The following CDS1 variants were observed in gnomAD, a reference collection of about 807,000 sequenced individuals.
The protein encoded by CDS1 is phosphatidate cytidylyltransferase 1.
In CDS1, 41 loss-of-function variants were observed where a neutral mutation model predicts 62.1. The ratio of observed to expected loss-of-function variants is 0.66; its 90% confidence interval spans 0.51 to 0.86. The LOEUF (loss-of-function observed/expected upper bound fraction) is 0.86, where lower values mean the gene tolerates loss of function less well. Ranked by LOEUF, CDS1 falls within the 40% of genes least tolerant of loss-of-function variation. The probability of loss-of-function intolerance (pLI) is 0.00; values close to 1 mark genes in which losing one functional copy is unlikely to be tolerated. For synonymous variants in CDS1, 185 were observed against 192.6 expected (o/e 0.96, Z 0.32); for missense variants, 470 against 550.1 (o/e 0.85, Z 1.46).
chr4:84,599,186 G>C (rs568007423), intron 1 of CDS1, among the ~76,000 whole-genome samples: 1 of 151,892 alleles, frequency 6.6e-6, no homozygotes, highest in African/African-American at 2.4e-5. Flanking sequence ...GTGTCCTCCC[G>C]TGGTGGAGAG....
intron 3 of CDS1, among the ~76,000 whole-genome samples, chr4:84,616,441 A>G (rs191694356): frequency 6.6e-6 from 1 of 152,372 alleles, no homozygotes; most frequent in East Asian, 1.9e-4. Context: ...GGAAATCTTA[A>G]AAAGAAATCC....
rs1354879614 is a variant in CDS1 at position 84,625,331 on chromosome 4, G to A, written c.580+5798G>A. Among the ~76,000 whole-genome samples the A allele has an allele frequency of 4.6e-5, 7 of 152,294 alleles. 1 individual carries two copies. The South Asian group carries it at 1.4e-3, about 32-fold the overall frequency. On this transcript the variant is annotated intron_variant, in intron 5 of 12. Coordinates refer to ENST00000295887, the MANE Select transcript of CDS1 (RefSeq NM_001263.4). ...AGCTAGATACTGTGAATGATGTTGAGGATATAAAGGGAGATGAAGTGATTG... is the reference window on the plus strand; with the variant it reads ...AGCTAGATACTGTGAATGATGTTGAAGATATAAAGGGAGATGAAGTGATTG...
At chr4:84,633,788 C>T (rs896919823) in intron 6 of CDS1, 69 bp from the exon 7 acceptor site, 16 of 927,846 alleles carry the variant, frequency 1.7e-5, no homozygotes, top group Non-Finnish European at 2.3e-5. Flanking sequence ...GGTTTCAAAT[C>T]GCTGTTGCTT....
chr4:84,584,780 A>C (rs1416698412), intron 1 of CDS1, among the ~76,000 whole-genome samples: 1 of 152,238 alleles, frequency 6.6e-6, no homozygotes, highest in African/African-American at 2.4e-5. Context: ...AAGTAGAATA[A>C]AATGAGTCTG....
chr4:84,633,250 T>C (rs1724079065), intron 6 of CDS1, among the ~76,000 whole-genome samples: 2 of 152,230 alleles, frequency 1.3e-5, no homozygotes, highest in African/African-American at 4.8e-5. Context: ...AGTGGCCATC[T>C]CTCAGGCTAG....
At chr4:84,606,281 C>T (rs1723089692) in intron 2 of CDS1, among the ~76,000 whole-genome samples, 1 of 146,992 alleles carries the variant, frequency 6.8e-6, no homozygotes, top group Non-Finnish European at 1.5e-5. Context: ...TCAGTGTTTA[C>T]CCTTTGAGGC....
chr4:84,608,036 C>T (rs938506900), intron 2 of CDS1, among the ~76,000 whole-genome samples: 10 of 152,128 alleles, frequency 6.6e-5, no homozygotes, highest in Middle Eastern at 3.4e-3. Context: ...AGGCTTGTGG[C>T]GGTGGTGGGG....
At chr4:84,613,643 C>G (rs1723400624) in intron 3 of CDS1, among the ~76,000 whole-genome samples, 2 of 152,096 alleles carry the variant, frequency 1.3e-5, no homozygotes, top group African/African-American at 4.8e-5. Flanking sequence ...TAGGAAATTA[C>G]AGGTACTATT....
chr4:84,599,393 GACACACAC>G (rs372134066), intron 1 of CDS1, among the ~76,000 whole-genome samples: 6 of 53,638 alleles, frequency 1.1e-4, no homozygotes, highest in South Asian at 1.5e-3. Context: ...GGCAAATTTT[GACACACAC>G]ACACATATAT....
intron 5 of CDS1, among the ~76,000 whole-genome samples, chr4:84,622,835 T>G (rs1157878908): frequency 6.6e-6 from 1 of 152,058 alleles, no homozygotes; most frequent in Non-Finnish European, 1.5e-5. Flanking sequence ...TTCTTCATAT[T>G]CAGTTTTTTT....
intron 8 of CDS1, 106 bp downstream of exon 8, chr4:84,635,457 C>A (rs374317419): frequency 1.4e-6 from 1 of 734,416 alleles, no homozygotes; most frequent in Non-Finnish European, 2.4e-6. Context: ...TTTTGAGGTG[C>A]TTTGATTTTC....
In CDS1 at chr4:84,599,923, G is replaced by GT. The variant is rs1722885264; in HGVS notation, c.118-4318dup. ...TAGGAGTGAAATGGCTGGGTCAGTT[G>GT]TTGGTTGTATATGTAATTTTTAAAA... On this transcript the variant is annotated intron_variant, in intron 1 of 12. Coordinates refer to ENST00000295887, the MANE Select transcript of CDS1 (RefSeq NM_001263.4). Among the ~76,000 whole-genome samples, 3 of 152,130 alleles carry GT rather than the reference G, an allele frequency of 2.0e-5. No individual in the cohort carries two copies. The South Asian group carries it at 6.2e-4, about 32-fold the overall frequency.
chr4:84,611,051 C>T (rs185287525), intron 3 of CDS1, among the ~76,000 whole-genome samples: 2 of 152,316 alleles, frequency 1.3e-5, no homozygotes, highest in African/African-American at 2.4e-5. Flanking sequence ...GTGCCAAGCA[C>T]GTGGGCTGCA....
At chr4:84,634,512 AT>A (rs1724117722) in intron 7 of CDS1, among the ~76,000 whole-genome samples, 1 of 152,140 alleles carries the variant, frequency 6.6e-6, no homozygotes, top group Non-Finnish European at 1.5e-5. Flanking sequence ...AAAGCTTAAG[AT>A]TAAAAAAAAA....
intron 11 of CDS1, among the ~76,000 whole-genome samples, chr4:84,643,825 A>G (rs1164862282): frequency 6.6e-6 from 1 of 152,196 alleles, no homozygotes; most frequent in African/African-American, 2.4e-5. Flanking sequence ...ATAAAGTGAC[A>G]TGTTATCTCA....
intron 3 of CDS1, among the ~76,000 whole-genome samples, chr4:84,611,995 G>A (rs1723339119): frequency 6.6e-6 from 1 of 151,962 alleles, no homozygotes; most frequent in South Asian, 2.1e-4. Flanking sequence ...AGGAAGAAGG[G>A]ACCAAGTGAG....
intron 5 of CDS1, among the ~76,000 whole-genome samples, chr4:84,626,321 G>A (rs1723860978): frequency 6.6e-6 from 1 of 152,154 alleles, no homozygotes; most frequent in Non-Finnish European, 1.5e-5. Flanking sequence ...TGCAATAATT[G>A]CATATTCACA....
chr4:84,606,400 A>G (rs114254492), intron 2 of CDS1, among the ~76,000 whole-genome samples: 1 of 151,762 alleles, frequency 6.6e-6, no homozygotes, highest in East Asian at 1.9e-4. Flanking sequence ...TTACTGTTTT[A>G]ATTTTCATTC....
chr4:84,651,163 TC>T lies in CDS1; in HGVS notation c.*2479del, dbSNP rs1360425515. Reference sequence around the variant, plus strand: ...CTCTTTTTAAAATTATTGTATCTCTTCCTTTTCACTTTGGTTTGAACAAAGA... The same window carrying T: ...CTCTTTTTAAAATTATTGTATCTCTTCTTTTCACTTTGGTTTGAACAAAGA... On this transcript the variant is annotated 3_prime_UTR_variant, in exon 13 of 13. Coordinates refer to ENST00000295887, the MANE Select transcript of CDS1 (RefSeq NM_001263.4). The T allele has an allele frequency of 1.3e-5, 2 of 152,178 alleles. No individual in the cohort carries two copies. Among genetic ancestry groups the T allele is most frequent in the Non-Finnish European group, 2.9e-5 (2 of 68,034 alleles). The allele number at this position is 152,178 out of a possible 1,614,324, so 9.4% of individuals were successfully genotyped here.
Sources: allele counts gnomAD v4.1 joint callset (sites outside exome capture counted in the v4.1 genomes callset), GRCh38; gene constraint gnomAD v4.1.1; transcripts MANE v1.5; gene names NCBI Gene and HGNC (gene_info 2026-07-23, HGNC 2026-07-21).